IL1RAP: variants seen among roughly 807,000 people sequenced by gnomAD.
The protein encoded by IL1RAP is interleukin-1 receptor accessory protein.
Under a neutral mutation model 60.7 loss-of-function variants are expected in IL1RAP, and 35 were observed. The observed-to-expected ratio is 0.58, with a 90% CI of 0.44 to 0.76. The LOEUF (loss-of-function observed/expected upper bound fraction) is 0.76, where lower values mean the gene tolerates loss of function less well. IL1RAP is among the 30% of genes least tolerant of loss of function. The pLI, the probability that IL1RAP is intolerant of heterozygous loss-of-function variation, is 0.00. For synonymous variants in IL1RAP, 268 were observed against 250.9 expected (o/e 1.07, Z -0.64); for missense variants, 572 against 693.9 (o/e 0.82, Z 1.97).
At chr3:190,540,780 T>C (rs1010957127) in intron 1 of IL1RAP, among the ~76,000 whole-genome samples, 6 of 152,116 alleles carry the variant, frequency 3.9e-5, no homozygotes, top group Admixed American at 3.3e-4. Context: ...TATTTTTTAT[T>C]CTTAAACAAG....
chr3:190,609,156 T>G lies in IL1RAP; in HGVS notation c.512T>G (p.Val171Gly). The G allele has an allele frequency of 6.2e-7, 1 of 1,611,242 alleles. No homozygotes were observed. The highest frequency in any genetic ancestry group is 8.5e-7 in the Non-Finnish European group (1 of 1,178,490). Residue 171 changes from valine (V) to glycine (G), a missense_variant, in exon 5 of 12, where the codon GTC becomes GGC. By Grantham distance (109) the Val-to-Gly change is moderately radical (BLOSUM62 -3). Transcript: ENST00000447382. ...PNVDGYFPSSVKPTITWYMGC... is the reference protein window; with the variant it reads ...PNVDGYFPSSGKPTITWYMGC... ...GTAGATGGATATTTTCCTTCCAGTG[T>G]CAAACCGACTATCACTTGGTATATG...
rs1734323467 is a variant in IL1RAP at position 190,650,393 on chromosome 3, A to G, written c.*1688A>G. The G allele has an allele frequency of 4.1e-6, 4 of 985,366 alleles. No individual in the cohort carries two copies. Among genetic ancestry groups the G allele is most frequent in the Non-Finnish European group, 4.8e-6 (4 of 829,904 alleles). 61.0% of individuals were successfully genotyped at this position (985,366 alleles called of 1,614,324 possible). ...GCCATCGGGCATTAATTGATTTCCT[A>G]CTATATTCCCAGCAGACACATTTAG... is the stretch of plus-strand genomic sequence containing the variant. On this transcript the variant is annotated 3_prime_UTR_variant, in exon 12 of 12. Coordinates refer to ENST00000447382, the MANE Select transcript of IL1RAP (RefSeq NM_002182.4).
chr3:190,573,141 GC>G (rs1727138456), intron 3 of IL1RAP, among the ~76,000 whole-genome samples: 5 of 52,576 alleles, frequency 9.5e-5, no homozygotes, highest in Non-Finnish European at 1.8e-4. Context: ...GGGATTACAG[GC>G]GTGAGAATGC....
intron 2 of IL1RAP, among the ~76,000 whole-genome samples, chr3:190,562,046 T>C (rs921719611): frequency 6.6e-6 from 1 of 152,236 alleles, no homozygotes; most frequent in African/African-American, 2.4e-5. Flanking sequence ...ATTATGATTC[T>C]ACCACTGTCT....
chr3:190,522,435 CTAT>C (rs879361676), intron 1 of IL1RAP, among the ~76,000 whole-genome samples: 2,350 of 148,342 alleles, frequency 0.016, 23 homozygotes, highest in Non-Finnish European at 0.024. Flanking sequence ...ATCTATCTAT[CTAT>C]CTATCTATCT....
intron 3 of IL1RAP, among the ~76,000 whole-genome samples, chr3:190,578,914 A>G (rs1421406112): frequency 6.6e-6 from 1 of 152,158 alleles, no homozygotes; most frequent in Non-Finnish European, 1.5e-5. Flanking sequence ...CTGTGATTCA[A>G]TTACCTCACA....
At chr3:190,600,886 G>A (rs995061351) in intron 3 of IL1RAP, among the ~76,000 whole-genome samples, 1 of 152,186 alleles carries the variant, frequency 6.6e-6, no homozygotes, top group Admixed American at 6.6e-5. Context: ...TTTTAGGTGT[G>A]TTAAGTCTGT....
intron 1 of IL1RAP, among the ~76,000 whole-genome samples, chr3:190,531,680 C>T (rs1028160621): frequency 2.6e-5 from 4 of 152,224 alleles, no homozygotes; most frequent in Non-Finnish European, 5.9e-5. Flanking sequence ...AGTGCTGTAT[C>T]ACCTAAGACT....
chr3:190,624,355 A>G (rs1230347925), intron 7 of IL1RAP, among the ~76,000 whole-genome samples: 1 of 152,188 alleles, frequency 6.6e-6, no homozygotes, highest in East Asian at 1.9e-4. Flanking sequence ...TCCTCACAGA[A>G]ATATTATTTG....
intron 9 of IL1RAP, among the ~76,000 whole-genome samples, chr3:190,635,625 T>A (rs1733157549): frequency 6.6e-6 from 1 of 152,210 alleles, no homozygotes; most frequent in Non-Finnish European, 1.5e-5. Flanking sequence ...TTTCAGTGTG[T>A]GTTTTTTAAT....
At chr3:190,522,341 C>A (rs1018139240) in intron 1 of IL1RAP, among the ~76,000 whole-genome samples, 19 of 145,924 alleles carry the variant, frequency 1.3e-4, no homozygotes, top group African/African-American at 4.8e-4. Flanking sequence ...TTCCTTCCTT[C>A]CTCCCTCCCT....
intron 3 of IL1RAP, among the ~76,000 whole-genome samples, chr3:190,592,088 C>T (rs1417059625): frequency 2.0e-5 from 3 of 152,156 alleles, no homozygotes; most frequent in Admixed American, 6.5e-5. Context: ...GGTGCGATCT[C>T]GGCTCACTGA....
intron 1 of IL1RAP, among the ~76,000 whole-genome samples, chr3:190,544,771 C>G (rs1466363494): frequency 6.6e-6 from 1 of 152,196 alleles, no homozygotes; most frequent in Non-Finnish European, 1.5e-5. Context: ...AATTGAGTTT[C>G]ACAACATGCA....
chr3:190,602,583 A>G (rs1193196701), intron 3 of IL1RAP, among the ~76,000 whole-genome samples: 3 of 152,190 alleles, frequency 2.0e-5, no homozygotes, highest in Admixed American at 1.3e-4. Flanking sequence ...AGTTCAAGGA[A>G]AAAAAGAAAC....
intron 1 of IL1RAP, chr3:190,518,471 T>C (rs1026677317): frequency 6.6e-6 from 1 of 152,208 alleles, no homozygotes; most frequent in African/African-American, 2.4e-5. Context: ...ATATATCATC[T>C]CATTCAATCC....
intron 10 of IL1RAP, among the ~76,000 whole-genome samples, chr3:190,645,332 A>G (rs1188198204): frequency 6.6e-6 from 1 of 152,162 alleles, no homozygotes; most frequent in African/African-American, 2.4e-5. Flanking sequence ...GTTTTACTCA[A>G]TTTGTAATTT....
chr3:190,634,816 C>T (rs1300249749), intron 9 of IL1RAP, among the ~76,000 whole-genome samples: 7 of 149,954 alleles, frequency 4.7e-5, no homozygotes, highest in Admixed American at 1.3e-4. Flanking sequence ...CCCGGGTTCA[C>T]GCCATTCTCC....
intron 9 of IL1RAP, among the ~76,000 whole-genome samples, chr3:190,638,575 G>C (rs947324145): frequency 1.3e-5 from 2 of 152,000 alleles, no homozygotes; most frequent in Admixed American, 6.6e-5. Context: ...TTGTTTTTTC[G>C]TGAAGTGTTT....
intron 4 of IL1RAP, among the ~76,000 whole-genome samples, chr3:190,605,496 A>T (rs900180704): frequency 6.6e-6 from 1 of 151,190 alleles, no homozygotes; most frequent in African/African-American, 2.4e-5. Flanking sequence ...CATCCGGGTT[A>T]TTTTTTTTTC....
Sources: allele counts gnomAD v4.1 joint callset (sites outside exome capture counted in the v4.1 genomes callset), GRCh38; gene constraint gnomAD v4.1.1; transcripts MANE v1.5; gene names NCBI Gene and HGNC (gene_info 2026-07-23, HGNC 2026-07-21).